FLI1: variants seen among roughly 807,000 people sequenced by gnomAD.
FLI1 encodes Fli-1 proto-oncogene, ETS transcription factor.
Under a neutral mutation model 53.1 loss-of-function variants are expected in FLI1, and 13 were observed. The ratio of observed to expected loss-of-function variants is 0.24; its 90% CI spans 0.16 to 0.39. FLI1 has a LOEUF of 0.39. FLI1 is among the 10% of genes least tolerant of loss of function. The pLI, the probability that FLI1 is intolerant of heterozygous loss-of-function variation, is 1.00. For synonymous variants in FLI1, 244 were observed against 236.7 expected (o/e 1.03, Z -0.28); for missense variants, 424 against 600.5 (o/e 0.71, Z 3.07).
intron 1 of FLI1, among the ~76,000 whole-genome samples, chr11:128,736,979 T>C (rs1302675478): frequency 4.6e-5 from 7 of 152,264 alleles, no homozygotes; most frequent in Admixed American, 4.6e-4. Flanking sequence ...CAAACAACCA[T>C]GCCAAGCCTC....
At chr11:128,747,483 C>T (rs542013552) in intron 1 of FLI1, among the ~76,000 whole-genome samples, 2 of 152,328 alleles carry the variant, frequency 1.3e-5, no homozygotes, top group South Asian at 4.1e-4. Context: ...ATCATCCCAC[C>T]TTTGCTCCAG....
chr11:128,697,617 G>A (rs770858230), intron 1 of FLI1, among the ~76,000 whole-genome samples: 3 of 152,210 alleles, frequency 2.0e-5, no homozygotes, highest in Non-Finnish European at 4.4e-5. Flanking sequence ...CTTGCCACAA[G>A]TCACAGGAAT....
At chr11:128,712,223 T>G (rs1406037577) in intron 1 of FLI1, among the ~76,000 whole-genome samples, 1 of 152,154 alleles carries the variant, frequency 6.6e-6, no homozygotes, top group East Asian at 1.9e-4. Flanking sequence ...CCTCCTTCTC[T>G]CTCTTGCTCC....
At chr11:128,718,275 T>C (rs1202858594) in intron 1 of FLI1, among the ~76,000 whole-genome samples, 2 of 152,222 alleles carry the variant, frequency 1.3e-5, no homozygotes, top group Non-Finnish European at 1.5e-5. Context: ...CTTTGTGGAT[T>C]TGGGTTCTAA....
rs969054375 is a variant in FLI1 at position 128,805,511 on chromosome 11, G to A, written c.721+80G>A. ...TGGAGAACAGGATCATGAGACACAG[G>A]AGAGCAGCAAGCATTTGTTTCCCTG... On this transcript the variant is annotated intron_variant, in intron 6 of 8. Transcript: ENST00000527786. 2.1e-5 allele frequency: 18 copies of A among 867,598 alleles called. No individual in the cohort carries two copies. The African/African-American group carries it at 2.9e-4, about 14-fold the overall frequency. 53.7% of individuals were successfully genotyped at this position (867,598 alleles called of 1,614,324 possible).
At chr11:128,808,265 C>T (rs536294891) in intron 7 of FLI1, among the ~76,000 whole-genome samples, 183 of 152,132 alleles carry the variant, frequency 1.2e-3, no homozygotes, top group African/African-American at 4.0e-3. Flanking sequence ...TAAGTAGAAA[C>T]CCAAAAATCA....
intron 2 of FLI1, chr11:128,764,656 A>T (rs1941259484): frequency 6.5e-7 from 1 of 1,533,492 alleles, no homozygotes; most frequent in African/African-American, 1.4e-5. Flanking sequence ...CACAGGCGCC[A>T]GCTGCCTCAT....
intron 4 of FLI1, among the ~76,000 whole-genome samples, chr11:128,781,479 A>C (rs1365193164): frequency 6.6e-6 from 1 of 152,248 alleles, no homozygotes; most frequent in African/African-American, 2.4e-5. Flanking sequence ...CTATGAAGCC[A>C]AAATATTTAC....
At chr11:128,763,459 A>G (rs1377434558) in intron 2 of FLI1, among the ~76,000 whole-genome samples, 1 of 152,270 alleles carries the variant, frequency 6.6e-6, no homozygotes, top group Non-Finnish European at 1.5e-5. Context: ...TCTCAACCAC[A>G]GGGATAGGGG....
chr11:128,804,755 A>G (rs1342570407), intron 5 of FLI1: 1 of 152,276 alleles, frequency 6.6e-6, no homozygotes, highest in African/African-American at 2.4e-5. Flanking sequence ...GTCATCCCAC[A>G]TCATCCATGT....
intron 5 of FLI1, among the ~76,000 whole-genome samples, chr11:128,794,120 A>C (rs1043433354): frequency 6.6e-5 from 10 of 152,212 alleles, no homozygotes; most frequent in African/African-American, 2.4e-4. Context: ...CTACACGCTC[A>C]TCCCACTCCA....
chr11:128,761,789 G>A (rs751813573), intron 2 of FLI1, among the ~76,000 whole-genome samples: 8 of 152,206 alleles, frequency 5.3e-5, no homozygotes, highest in Non-Finnish European at 1.0e-4. Flanking sequence ...GCCAGCTGGA[G>A]AGGGCCTGTG....
At chr11:128,730,090 C>T (rs746854731) in intron 1 of FLI1, among the ~76,000 whole-genome samples, 1 of 152,162 alleles carries the variant, frequency 6.6e-6, no homozygotes, top group South Asian at 2.1e-4. Flanking sequence ...ACAGAAAAGT[C>T]GAAAATCTTG....
intron 2 of FLI1, among the ~76,000 whole-genome samples, chr11:128,763,717 C>T (rs1223685957): frequency 3.9e-5 from 6 of 152,166 alleles, no homozygotes; most frequent in Non-Finnish European, 7.3e-5. Flanking sequence ...TGTTCTCAAC[C>T]TTGCAGTATG....
chr11:128,807,397 G>A (rs1033681082), intron 7 of FLI1, among the ~76,000 whole-genome samples, 158 bp downstream of exon 7: 1 of 152,212 alleles, frequency 6.6e-6, no homozygotes, highest in South Asian at 2.1e-4. Flanking sequence ...TGTGAATGAA[G>A]TAACAGGTAC....
At chr11:128,747,792 G>A (rs1940464407) in intron 1 of FLI1, among the ~76,000 whole-genome samples, 1 of 152,190 alleles carries the variant, frequency 6.6e-6, no homozygotes, top group African/African-American at 2.4e-5. Flanking sequence ...ACTGGACAGT[G>A]GACAGACCCA....
intron 1 of FLI1, among the ~76,000 whole-genome samples, chr11:128,687,531 A>C (rs922307304): frequency 8.6e-5 from 13 of 151,936 alleles, no homozygotes; most frequent in African/African-American, 2.9e-4. Context: ...GCAGTGCTGC[A>C]AACACCCGCA....
intron 1 of FLI1, among the ~76,000 whole-genome samples, chr11:128,755,300 T>A (rs977404254): frequency 1.3e-5 from 2 of 152,234 alleles, no homozygotes; most frequent in Non-Finnish European, 1.5e-5. Context: ...GAAATTATTT[T>A]ACTGGAAACT....
chr11:128,701,410 G>A (rs1172302626), intron 1 of FLI1, among the ~76,000 whole-genome samples: 1 of 152,158 alleles, frequency 6.6e-6, no homozygotes, highest in Non-Finnish European at 1.5e-5. Context: ...TGAGTTGGCT[G>A]GGCCGCTGGT....
Sources: gnomAD v4.1 joint callset for allele counts (sites outside exome capture counted in the v4.1 genomes callset) on GRCh38, gnomAD v4.1.1 for gene constraint, MANE v1.5 for transcripts, NCBI Gene and HGNC (gene_info 2026-07-23, HGNC 2026-07-21) for gene names.